Variants in CDH4 observed in about 807,000 individuals in gnomAD.
CDH4 encodes cadherin-4.
In CDH4, 33 loss-of-function variants were observed where a neutral mutation model predicts 86.0. That is an observed-to-expected ratio of 0.38 (90% CI 0.29 to 0.51). The LOEUF (loss-of-function observed/expected upper bound fraction) is 0.51. Ranked by LOEUF, CDH4 falls within the 20% of genes least tolerant of loss-of-function variation. CDH4 has a pLI of 0.86. For missense variants in CDH4, 1,114 were observed against 1,307.4 expected (o/e 0.85, Z 2.28); for synonymous variants, 555 against 549.4 (o/e 1.01, Z -0.14).
intron 4 of CDH4, among the ~76,000 whole-genome samples, chr20:61,813,090 G>A (rs549451085): frequency 2.0e-4 from 30 of 152,346 alleles, no homozygotes; most frequent in African/African-American, 6.5e-4. Context: ...AACAGAGAGA[G>A]CAAGGTTTTA....
chr20:61,295,794 G>T (rs1196158178), intron 2 of CDH4, among the ~76,000 whole-genome samples: 1 of 152,156 alleles, frequency 6.6e-6, no homozygotes, highest in Non-Finnish European at 1.5e-5. Flanking sequence ...ACCAGCTGCT[G>T]CCCGGCCTGT....
chr20:61,792,567 T>C (rs1446707974), intron 4 of CDH4, among the ~76,000 whole-genome samples: 2 of 152,166 alleles, frequency 1.3e-5, no homozygotes, highest in Non-Finnish European at 2.9e-5. Flanking sequence ...ACCCACAATC[T>C]TTATTCTATT....
At chr20:61,420,931 C>T (rs1167708414) in intron 2 of CDH4, among the ~76,000 whole-genome samples, 4 of 152,256 alleles carry the variant, frequency 2.6e-5, no homozygotes, top group African/African-American at 9.6e-5. Flanking sequence ...ACCCAGGTAT[C>T]CACACACAGT....
chr20:61,499,285 G>A (rs780613141), intron 2 of CDH4: 52 of 394,262 alleles, frequency 1.3e-4, no homozygotes, highest in East Asian at 3.0e-4. Context: ...GCACAGCCCC[G>A]GACCTTCATG....
intron 2 of CDH4, chr20:61,570,865 G>T (rs2086336772): frequency 1.5e-6 from 1 of 687,880 alleles, no homozygotes; most frequent in Non-Finnish European, 2.7e-6. Context: ...GTTTGGATGT[G>T]TAGTGGCTGT....
At chr20:61,530,057 G>T (rs2085940880) in intron 2 of CDH4, among the ~76,000 whole-genome samples, 1 of 151,896 alleles carries the variant, frequency 6.6e-6, no homozygotes, top group Non-Finnish European at 1.5e-5. Context: ...TTTTGAGAGG[G>T]AGTCTTGCTC....
Position 61,881,351 on chromosome 20 carries a change from C to T in CDH4, c.1050+7451C>T, listed in dbSNP as rs376111118. ...CATTCCAGCGGTGGCATTTCGTAAC[C>T]AAAGTGCCAAGTGTGGTCCCGGGCA... On this transcript the variant is annotated intron_variant, in intron 7 of 15. Coordinates refer to ENST00000614565, the MANE Select transcript of CDH4 (RefSeq NM_001794.5). 4.3e-4 allele frequency among the ~76,000 whole-genome samples: 65 copies of T among 152,342 alleles called. 2 individuals are homozygous for T. Among genetic ancestry groups the T allele is most frequent in the African/African-American group, 1.4e-3 (59 of 41,580 alleles).
chr20:61,283,429 C>T (rs1188722682), intron 2 of CDH4, among the ~76,000 whole-genome samples: 7 of 123,312 alleles, frequency 5.7e-5, no homozygotes, highest in Non-Finnish European at 1.0e-4. Context: ...CGTTTGCACG[C>T]GTGTGCTGTG....
chr20:61,726,425 T>A (rs1252008339), intron 2 of CDH4, among the ~76,000 whole-genome samples: 2 of 152,246 alleles, frequency 1.3e-5, no homozygotes, highest in East Asian at 3.9e-4. Context: ...GTGCTGGGTG[T>A]TTATTTCTCA....
intron 3 of CDH4, among the ~76,000 whole-genome samples, chr20:61,749,174 C>T (rs879118136): frequency 1.3e-5 from 2 of 152,146 alleles, no homozygotes; most frequent in Non-Finnish European, 2.9e-5. Flanking sequence ...CAAGAAGATA[C>T]AGGAATCCTA....
chr20:61,338,227 A>G (rs2123277977), intron 2 of CDH4, among the ~76,000 whole-genome samples: 1 of 152,338 alleles, frequency 6.6e-6, no homozygotes, highest in Non-Finnish European at 1.5e-5. Context: ...TTTTGCTTAA[A>G]AACACTTAAA....
chr20:61,410,879 G>T (rs910439268), intron 2 of CDH4, among the ~76,000 whole-genome samples: 5 of 148,518 alleles, frequency 3.4e-5, no homozygotes, highest in African/African-American at 1.3e-4. Context: ...CCTCTCACCT[G>T]TTAGTTCACT....
intron 4 of CDH4, among the ~76,000 whole-genome samples, chr20:61,776,878 C>T (rs976977413): frequency 7.2e-5 from 11 of 152,162 alleles, no homozygotes; most frequent in Non-Finnish European, 1.3e-4. Flanking sequence ...ACATGGGGAA[C>T]GAGTCCAACT....
At chr20:61,929,267 A>C (rs916704690) in intron 12 of CDH4, among the ~76,000 whole-genome samples, 1 of 151,994 alleles carries the variant, frequency 6.6e-6, no homozygotes, top group African/African-American at 2.4e-5. Context: ...GCTCCCAAGT[A>C]GCTGAGATCA....
chr20:61,909,979 A>C (rs1315003277), intron 8 of CDH4, among the ~76,000 whole-genome samples: 1 of 152,202 alleles, frequency 6.6e-6, no homozygotes, highest in East Asian at 1.9e-4. Context: ...GGGCTGACGC[A>C]CCTGCCGGGC....
intron 4 of CDH4, among the ~76,000 whole-genome samples, chr20:61,773,573 G>A (rs2088804394): frequency 6.6e-6 from 1 of 152,202 alleles, no homozygotes; most frequent in South Asian, 2.1e-4. Context: ...CTGCGCCGAG[G>A]CCAGCGTGCG....
At chr20:61,355,367 A>G (rs902624217) in intron 2 of CDH4, among the ~76,000 whole-genome samples, 1 of 152,166 alleles carries the variant, frequency 6.6e-6, no homozygotes, top group Non-Finnish European at 1.5e-5. Flanking sequence ...TGGGGATTTA[A>G]ATGTCCTTGG....
chr20:61,681,573 G>C lies in CDH4; in HGVS notation c.170-61990G>C, dbSNP rs1400227087. On this transcript the variant is annotated intron_variant, in intron 2 of 15. Coordinates refer to ENST00000614565, the MANE Select transcript of CDH4 (RefSeq NM_001794.5). The surrounding 1 kb of genome is among the most constrained non-coding windows in gnomAD (Gnocchi z 4.5). ...CCCGAACTCTTGTTCCAAGGGGTAG[G>C]AGAAAAAGGGGGCATCATCTAGCAG... Among the ~76,000 whole-genome samples the C allele has an allele frequency of 6.6e-6, 1 of 152,128 alleles. No individual in the cohort carries two copies. The highest frequency in any genetic ancestry group is 1.5e-5 in the Non-Finnish European group (1 of 68,004).
At chr20:61,743,457 C>G (rs1317207920) in intron 2 of CDH4, 106 bp from the exon 3 acceptor site, 1 of 796,576 alleles carries the variant, frequency 1.3e-6, no homozygotes, top group Non-Finnish European at 2.1e-6. Flanking sequence ...ACCTCATGCC[C>G]CTCATGCCCA....
Sources: allele counts gnomAD v4.1 joint callset (sites outside exome capture counted in the v4.1 genomes callset), GRCh38; gene constraint gnomAD v4.1.1; non-coding constraint Gnocchi (gnomAD v3.1); transcripts MANE v1.5; gene names NCBI Gene and HGNC (gene_info 2026-07-23, HGNC 2026-07-21).